LAMC1: variants seen among roughly 807,000 people sequenced by gnomAD.
The protein encoded by LAMC1 is laminin subunit gamma-1.
A neutral mutation model predicts 173.6 loss-of-function variants in LAMC1; 38 were observed. The observed-to-expected ratio is 0.22, with a 90% CI of 0.17 to 0.29. The LOEUF (loss-of-function observed/expected upper bound fraction) is 0.29. Ranked by LOEUF, LAMC1 falls within the 10% of genes least tolerant of loss-of-function variation. LAMC1 has a pLI of 1.00. For missense variants in LAMC1, 1,824 were observed against 2,051.8 expected, an observed-to-expected ratio of 0.89 and a Z score of 2.14; for synonymous variants, 746 against 749.1, an observed-to-expected ratio of 1.00 and a Z score of 0.07.
chr1:183,050,018 A>G (rs1326155039), intron 1 of LAMC1, among the ~76,000 whole-genome samples: 1 of 152,112 alleles, frequency 6.6e-6, no homozygotes, highest in East Asian at 1.9e-4. Context: ...TTAGAATCTT[A>G]TGTGCTAAAG....
intron 1 of LAMC1, among the ~76,000 whole-genome samples, chr1:183,071,077 G>T (rs943617690): frequency 2.6e-4 from 39 of 148,460 alleles, no homozygotes; most frequent in Non-Finnish European, 3.9e-4. Flanking sequence ...AGGAAGCTGG[G>T]TTTTTTTTGT....
intron 1 of LAMC1, among the ~76,000 whole-genome samples, chr1:183,052,590 C>T (rs1654460340): frequency 6.6e-6 from 1 of 152,162 alleles, no homozygotes. Context: ...CTGCCTCAGC[C>T]TTCCAAAGTG....
At chr1:183,131,172 CAAAAAA>C (rs3065304) in intron 19 of LAMC1, 121 bp from the exon 20 acceptor site, 1 of 398,470 alleles carries the variant, frequency 2.5e-6, no homozygotes, top group Non-Finnish European at 4.4e-6. Context: ...GAAACTATCT[CAAAAAA>C]AAAAAAAAAA....
intron 11 of LAMC1, among the ~76,000 whole-genome samples, chr1:183,118,944 G>T (rs1402343825): frequency 1.3e-5 from 2 of 151,932 alleles, no homozygotes; most frequent in African/African-American, 2.4e-5. Context: ...TGTCACCCAG[G>T]CTGTGGTGCA....
chr1:183,092,385 T>G (rs1571434507), intron 1 of LAMC1, among the ~76,000 whole-genome samples: 1 of 151,958 alleles, frequency 6.6e-6, no homozygotes, highest in South Asian at 2.1e-4. Flanking sequence ...ACACATGTTC[T>G]CGGGATCTCC....
At chr1:183,059,588 A>G (rs1442363659) in intron 1 of LAMC1, among the ~76,000 whole-genome samples, 1 of 152,162 alleles carries the variant, frequency 6.6e-6, no homozygotes, top group African/African-American at 2.4e-5. Context: ...GTGGCCACCT[A>G]ATTTCAGTGA....
Position 183,085,692 on chromosome 1 carries a change from A to C in LAMC1, c.419-17636A>C, listed in dbSNP as rs4652773. Among the ~76,000 whole-genome samples the C allele has an allele frequency of 4.5e-3, 679 of 152,054 alleles. 8 individuals carry two copies. The highest frequency in any genetic ancestry group is 0.016 in the African/African-American group (644 of 41,438). On this transcript the variant is annotated intron_variant, in intron 1 of 27. Transcript: ENST00000258341. ...GCTGTATACTTTTCAAGGGGCGGGGAGAATGCATTTGTCCTTATAGGCTCC... is the reference window on the plus strand; with the variant it reads ...GCTGTATACTTTTCAAGGGGCGGGGCGAATGCATTTGTCCTTATAGGCTCC...
At chr1:183,095,290 C>T (rs748982991) in intron 1 of LAMC1, among the ~76,000 whole-genome samples, 13 of 151,960 alleles carry the variant, frequency 8.6e-5, no homozygotes, top group South Asian at 2.1e-4. Flanking sequence ...ACTATACCAC[C>T]GTGACTAGGT....
intron 13 of LAMC1, among the ~76,000 whole-genome samples, chr1:183,122,615 GC>G (rs1162082060): frequency 6.6e-6 from 1 of 152,116 alleles, no homozygotes; most frequent in Non-Finnish European, 1.5e-5. Flanking sequence ...TGGATGGTGG[GC>G]TAGAAGCCTT....
chr1:183,139,369 G>A (rs893102330), intron 26 of LAMC1, among the ~76,000 whole-genome samples: 1 of 152,142 alleles, frequency 6.6e-6, no homozygotes, highest in African/African-American at 2.4e-5. Context: ...AAGAATGAAG[G>A]TTTATAGCTT....
At chr1:183,116,151 AG>A (rs1656314906) in intron 6 of LAMC1, among the ~76,000 whole-genome samples, 1 of 147,864 alleles carries the variant, frequency 6.8e-6, no homozygotes, top group Non-Finnish European at 1.5e-5. Flanking sequence ...AAATGACTTT[AG>A]GGTCCATTTT....
intron 18 of LAMC1, among the ~76,000 whole-genome samples, chr1:183,129,149 G>T (rs1268925496): frequency 2.8e-5 from 4 of 144,958 alleles, no homozygotes; most frequent in African/African-American, 7.9e-5. Context: ...GCAGTGGCGC[G>T]ATCTTGGCTC....
At chr1:183,115,383 A>G (rs1656288097) in intron 5 of LAMC1, 137 bp from the exon 6 acceptor site, 1 of 643,852 alleles carries the variant, frequency 1.6e-6, no homozygotes, top group Non-Finnish European at 2.8e-6. Context: ...GGTTTTTATT[A>G]CCTTTGTGAC....
intron 17 of LAMC1, among the ~76,000 whole-genome samples, chr1:183,128,227 T>G (rs1656671968): frequency 6.6e-6 from 1 of 152,152 alleles, no homozygotes; most frequent in Non-Finnish European, 1.5e-5. Flanking sequence ...AATCTGACAC[T>G]CAAGGGAGAG....
chr1:183,080,586 C>G (rs1655245616), intron 1 of LAMC1, among the ~76,000 whole-genome samples: 1 of 152,112 alleles, frequency 6.6e-6, no homozygotes, highest in Non-Finnish European at 1.5e-5. Flanking sequence ...AACCCCAGCT[C>G]CACTTATTGG....
rs1276095500 is a variant in LAMC1, at chr1:183,142,253, G to A, written c.4574-281G>A. Among the ~76,000 whole-genome samples the A allele has an allele frequency of 2.0e-5, 3 of 152,320 alleles. No individual in the cohort carries two copies. In the East Asian group the frequency reaches 5.8e-4, roughly 29 times the overall value. On this transcript the variant is annotated intron_variant, in intron 27 of 27. Coordinates refer to ENST00000258341, the MANE Select transcript of LAMC1 (RefSeq NM_002293.4). Reference sequence around the variant, plus strand: ...CAAAGGTCTAGAACATGGTAGCTGTGCATTGAGGAAACATTCTGCAAAAAC... The same window carrying A: ...CAAAGGTCTAGAACATGGTAGCTGTACATTGAGGAAACATTCTGCAAAAAC...
intron 1 of LAMC1, among the ~76,000 whole-genome samples, chr1:183,058,231 G>A (rs1055310929): frequency 2.0e-5 from 3 of 152,196 alleles, no homozygotes; most frequent in African/African-American, 7.2e-5. Context: ...GTGTAGTTGA[G>A]TGGATGCTAG....
intron 3 of LAMC1, 73 bp from the exon 4 acceptor site, chr1:183,110,415 A>T: frequency 8.5e-7 from 1 of 1,175,348 alleles, no homozygotes; most frequent in Non-Finnish European, 1.2e-6. Flanking sequence ...TTCTTTGTGT[A>T]CATAGTTTTT....
rs200362034 is a variant in LAMC1, at chr1:183,028,520, G to A, written c.418+4386G>A. On this transcript the variant is annotated intron_variant, in intron 1 of 27. Coordinates refer to ENST00000258341, the MANE Select transcript of LAMC1 (RefSeq NM_002293.4). Reference sequence around the variant, plus strand: ...TATCACTGATGAGATTTCTCACAACGCAAGGAAGGCAAAGATGCCTAAGGT... The same window carrying A: ...TATCACTGATGAGATTTCTCACAACACAAGGAAGGCAAAGATGCCTAAGGT... Among the ~76,000 whole-genome samples, 12 of 152,274 alleles carry A rather than the reference G, an allele frequency of 7.9e-5. No individual in the cohort carries two copies. The East Asian group carries it at 1.7e-3, about 22-fold the overall frequency.
Sources: gnomAD v4.1 joint callset for allele counts (sites outside exome capture counted in the v4.1 genomes callset) on GRCh38, gnomAD v4.1.1 for gene constraint, MANE v1.5 for transcripts, NCBI Gene and HGNC (gene_info 2026-07-23, HGNC 2026-07-21) for gene names.